DCST1: variants seen among roughly 807,000 people sequenced by gnomAD.
DCST1 encodes the protein DC-STAMP domain containing 1.
A neutral mutation model predicts 89.1 loss-of-function variants in DCST1; 78 were observed. The observed-to-expected ratio is 0.88, with a 90% CI of 0.73 to 1.06. DCST1 has a LOEUF of 1.06. Ranked by LOEUF, DCST1 falls within the 50% of genes least tolerant of loss-of-function variation. DCST1 has a pLI of 0.00. For synonymous variants in DCST1, 364 were observed against 371.9 expected (o/e 0.98, Z 0.24); for missense variants, 900 against 928.6 (o/e 0.97, Z 0.40).
rs772847757 is a variant in DCST1 at position 155,041,400 on chromosome 1, A to C, written c.535A>C (p.Ser179Arg). ...CTCCCTCCACCTCCAATCCCAGAGT[A>C]GCAAAGAATTGCTGAGAGCAGAGAC... ...LRAMFKDLLS[S>R]KELLRAETRN... The change falls in exon 7 of 17, where the codon AGC becomes CGC. Residue 179 changes from serine to arginine, a missense_variant. Coordinates refer to ENST00000295542, the MANE Select transcript of DCST1 (RefSeq NM_152494.4). 2 of 1,613,670 alleles carry C rather than the reference A, an allele frequency of 1.2e-6. No individual in the cohort carries two copies. The highest frequency in any genetic ancestry group is 1.7e-6 in the Non-Finnish European group (2 of 1,180,016).
chr1:155,048,988 G>C (rs1281571915), intron 16 of DCST1: 1 of 716,752 alleles, frequency 1.4e-6, no homozygotes, highest in South Asian at 1.5e-5. Context: ...TGTCACCTTG[G>C]CCAAGGTCTT....
intron 6 of DCST1, among the ~76,000 whole-genome samples, chr1:155,041,070 AG>A (rs1660423438): frequency 6.6e-6 from 1 of 152,146 alleles, no homozygotes; most frequent in Non-Finnish European, 1.5e-5. Flanking sequence ...ATGATCTCAG[AG>A]ACTAGTGGTG....
At position 155,048,077 on chromosome 1, in the gene DCST1, G is replaced by T; in HGVS notation, c.1776G>T (p.Leu592=). Residue 592 remains leucine (L), a synonymous_variant, in exon 16 of 17, where the codon CTG becomes CTT. Transcript: ENST00000295542. ...YFPKREKKRI[L]FLYNDLLKKR... ...CCCAGCGAGAGAAGAAGCGGATCCT[G>T]TTCCTCTACAATGACCTATTGAAGA... 6.2e-7 allele frequency: 1 copy of T among 1,613,990 alleles called. No homozygotes were observed.
chr1:155,046,109 G>C lies in DCST1; in HGVS notation c.1273-16G>C, dbSNP rs371811794. The C allele has an allele frequency of 3.1e-6, 5 of 1,614,060 alleles. No homozygotes were observed. Among genetic ancestry groups the C allele is most frequent in the Non-Finnish European group, 4.2e-6 (5 of 1,180,046 alleles). ...GGCCCTTGGGCTTCCTAACTGTGTG[G>C]ACATTTGTTTTCCAGGGCAAACGGA... On this transcript the variant is annotated splice_polypyrimidine_tract_variant and intron_variant, in intron 11 of 16. Coordinates refer to ENST00000295542, the MANE Select transcript of DCST1 (RefSeq NM_152494.4).
chr1:155,043,423 CG>C lies in DCST1; in HGVS notation c.1087del (p.Val363CysfsTer91), dbSNP rs780354285. The C allele has an allele frequency of 5.0e-6, 8 of 1,611,356 alleles. No individual in the cohort carries two copies. The highest frequency in any genetic ancestry group is 6.8e-6 in the Non-Finnish European group (8 of 1,178,342). On this transcript the variant is annotated frameshift_variant, in exon 10 of 17. Coordinates refer to ENST00000295542, the MANE Select transcript of DCST1 (RefSeq NM_152494.4). LOFTEE classifies it high-confidence loss of function. ...ERVSTEVRDY[V>X]YRQEARLEWA... Reference sequence around the variant, plus strand: ...GCGTGAGCACCGAGGTGCGGGACTACGTGTACCGCCAGGAGGCCCGGCTGGA... The same window carrying C: ...GCGTGAGCACCGAGGTGCGGGACTACTGTACCGCCAGGAGGCCCGGCTGGA...
Position 155,047,207 on chromosome 1 carries a change from C to T in DCST1, c.1507C>T (p.Leu503=). 6.2e-7 allele frequency: 1 copy of T among 1,614,170 alleles called. No individual in the cohort carries two copies. The highest frequency in any genetic ancestry group is 8.5e-7 in the Non-Finnish European group (1 of 1,180,002). The change falls in exon 14 of 17, where the codon CTG becomes TTG. Residue 503 remains leucine, a synonymous_variant. Transcript: ENST00000295542. ...LQYSFRSSHK[L]EVKVGGDSML... The stretch of plus-strand genomic sequence containing the variant: ...CCTCCTGGCCGCAGGCAGTCATAAA[C>T]TGGAGGTGAAGGTCGGGGGAGACTC...
chr1:155,034,806 G>C, intron 4 of DCST1, 79 bp downstream of exon 4: 1 of 1,516,998 alleles, frequency 6.6e-7, no homozygotes, highest in East Asian at 2.3e-5. Flanking sequence ...GGAAGGAGTC[G>C]GGACTTGTTT....
At chr1:155,047,461 C>T in intron 14 of DCST1, 149 bp downstream of exon 14, 3 of 722,996 alleles carry the variant, frequency 4.1e-6, no homozygotes, top group South Asian at 1.8e-5. Flanking sequence ...GAGCAGGGAA[C>T]ACATCTGGGC....
At position 155,043,002 on chromosome 1, in the gene DCST1, G is replaced by C. The variant is rs1391594006; in HGVS notation, c.1014+146G>C. The stretch of plus-strand genomic sequence containing the variant: ...GAGGGGGACAAGGAGGGGGAATGTC[G>C]CTGGTGTTGAGGGGGCCCTCTGTTT... On this transcript the variant is annotated intron_variant, in intron 9 of 16. Transcript: ENST00000295542. 1.4e-5 allele frequency: 18 copies of C among 1,321,144 alleles called. No homozygotes were observed. In the Admixed American group the frequency reaches 4.4e-4, roughly 32 times the overall value. The allele number at this position is 1,321,144 out of a possible 1,614,324, so 81.8% of individuals were successfully genotyped here.
intron 8 of DCST1, 32 bp downstream of exon 8, chr1:155,041,889 CG>C (rs752572854): frequency 1.2e-6 from 2 of 1,613,090 alleles, no homozygotes; most frequent in Non-Finnish European, 1.7e-6. Context: ...TGGGGAGCAT[CG>C]GGGTAGGGAG....
chr1:155,041,282 T>C lies in DCST1; in HGVS notation c.532-115T>C, dbSNP rs546255224. On this transcript the variant is annotated intron_variant, in intron 6 of 16. Transcript: ENST00000295542. ...GCTGTGTCTCAGGGCCTAGGCTCCC[T>C]GTCGGCCTGGGGTGAGAACCCAAAG... The C allele has an allele frequency of 1.6e-4, 173 of 1,062,028 alleles. No individual in the cohort carries two copies. The African/African-American group carries it at 2.5e-3, about 16-fold the overall frequency. 65.8% of individuals were successfully genotyped at this position (1,062,028 alleles called of 1,614,324 possible).
intron 5 of DCST1, 119 bp downstream of exon 5, chr1:155,039,650 A>C: frequency 6.8e-6 from 9 of 1,325,454 alleles, no homozygotes; most frequent in Non-Finnish European, 9.0e-6. Context: ...GCTCTAACTC[A>C]CTGTATGTCC....
chr1:155,050,809 G>A lies in DCST1; in HGVS notation c.2062G>A (p.Glu688Lys), dbSNP rs1200793653. 1 of 1,612,500 alleles carries A rather than the reference G, an allele frequency of 6.2e-7. No individual in the cohort carries two copies. The change falls in exon 17 of 17, where the codon GAA becomes AAA. Residue 688 changes from glutamate (E) to lysine (K), a missense_variant. Glu to Lys is a moderately conservative substitution (Grantham distance 56). Coordinates refer to ENST00000295542, the MANE Select transcript of DCST1 (RefSeq NM_152494.4). ...GCGGTGCCCGGTCTGCACGCCCCGC[G>A]AAGAGCTCTCTTCCTCCGCCTTTAG... The part of the protein sequence containing the change: ...RQRCPVCTPR[E>K]ELSSSAFSDS...
chr1:155,034,365 GC>G (rs749367967), intron 2 of DCST1, 69 bp from the exon 3 acceptor site: 2 of 1,611,238 alleles, frequency 1.2e-6, no homozygotes, highest in Non-Finnish European at 1.7e-6. Flanking sequence ...CCACCTGCAA[GC>G]CCTGAATCCT....
At chr1:155,046,598 C>CTATTT in intron 13 of DCST1, 112 bp downstream of exon 13, 39 of 415,662 alleles carry the variant, frequency 9.4e-5, no homozygotes, top group Middle Eastern at 7.5e-4. Context: ...GTCCTTCTGC[C>CTATTT]TCTTTTTTTT....
chr1:155,049,915 A>G (rs1237613661), intron 16 of DCST1, among the ~76,000 whole-genome samples: 1 of 152,264 alleles, frequency 6.6e-6, no homozygotes, highest in Non-Finnish European at 1.5e-5. Flanking sequence ...CTCAGTCCAC[A>G]GGGAATGCGA....
At chr1:155,043,578 T>G in intron 10 of DCST1, 69 bp downstream of exon 10, 1 of 1,489,118 alleles carries the variant, frequency 6.7e-7, no homozygotes, top group East Asian at 2.3e-5. Context: ...TGAGGGAGGC[T>G]GTAAGGATGG....
At position 155,043,442 on chromosome 1, in the gene DCST1, C is replaced by G. The variant is rs141437613; in HGVS notation, c.1105C>G (p.Arg369Gly). The change falls in exon 10 of 17, where the codon CGG (arginine) becomes GGG (glycine). Residue 369 changes from arginine to glycine, a missense_variant. By Grantham distance (125) the Arg-to-Gly change is moderately radical. Transcript: ENST00000295542. ...VRDYVYRQEA[R>G]LEWALGLLHV... is the part of the protein sequence containing the mutation. ...GGACTACGTGTACCGCCAGGAGGCC[C>G]GGCTGGAGTGGGCCCTGGGGCTGCT... is the stretch of plus-strand genomic sequence containing the variant. 1,697 of 1,613,144 alleles carry G rather than the reference C, an allele frequency of 1.1e-3. 19 individuals are homozygous for G. In the South Asian group the frequency reaches 0.013, roughly 12 times the overall value.
rs752567059 is a variant in DCST1, at chr1:155,050,645, G to A, written c.1898G>A (p.Arg633His). 1.1e-4 allele frequency: 181 copies of A among 1,594,468 alleles called. 2 individuals carry two copies. In the South Asian group the frequency reaches 1.5e-3, roughly 13 times the overall value. Residue 633 changes from arginine to histidine, a missense_variant, in exon 17 of 17, where the codon CGC becomes CAC. Physicochemically the swap from Arg to His is conservative, Grantham distance 29. Coordinates refer to ENST00000295542, the MANE Select transcript of DCST1 (RefSeq NM_152494.4). ...CACCCGCTGGCGGATATCCTGCACC[G>A]CGGCTGCCCGCTCCTGCGCCGCTGG... Reference protein sequence around the residue: ...PRHPLADILHRGCPLLRRWLC... With the variant: ...PRHPLADILHHGCPLLRRWLC...
Sources: gnomAD v4.1 joint callset for allele counts (sites outside exome capture counted in the v4.1 genomes callset) on GRCh38, gnomAD v4.1.1 for gene constraint, MANE v1.5 for transcripts, NCBI Gene and HGNC (gene_info 2026-07-23, HGNC 2026-07-21) for gene names.